KCNIP4: variants seen among roughly 807,000 people sequenced by gnomAD.
KCNIP4 encodes Kv channel-interacting protein 4.
KCNIP4 carries 12 observed loss-of-function variants against 34.0 expected under a neutral mutation model. The observed-to-expected ratio is 0.35, with a 90% confidence interval of 0.23 to 0.57. The LOEUF is 0.57. KCNIP4 is among the 20% of genes least tolerant of loss of function. The pLI, the probability that KCNIP4 is intolerant of heterozygous loss-of-function variation, is 0.83. For synonymous variants in KCNIP4, 124 were observed against 102.2 expected, an observed-to-expected ratio of 1.21 and a Z score of -1.29; for missense variants, 238 against 311.7, an observed-to-expected ratio of 0.76 and a Z score of 1.78.
At chr4:20,961,753 T>C (rs920343513) in intron 1 of KCNIP4, among the ~76,000 whole-genome samples, 4 of 152,092 alleles carry the variant, frequency 2.6e-5, no homozygotes, top group Non-Finnish European at 5.9e-5. Flanking sequence ...AAAACAGTGC[T>C]CCCTGGAATG....
At chr4:21,299,346 C>T (rs970942974) in intron 1 of KCNIP4, among the ~76,000 whole-genome samples, 14 of 152,064 alleles carry the variant, frequency 9.2e-5, no homozygotes, top group African/African-American at 3.4e-4. Flanking sequence ...TTTAGATCCT[C>T]TGAGTGTAAT....
At chr4:21,508,386 T>G (rs1295506833) in intron 1 of KCNIP4, among the ~76,000 whole-genome samples, 1 of 152,148 alleles carries the variant, frequency 6.6e-6, no homozygotes, top group African/African-American at 2.4e-5. Context: ...TCACCGGAAA[T>G]ATAATTATGC....
chr4:21,479,531 G>T (rs1221949980), intron 1 of KCNIP4, among the ~76,000 whole-genome samples: 1 of 152,088 alleles, frequency 6.6e-6, no homozygotes, highest in Non-Finnish European at 1.5e-5. Flanking sequence ...CAAGAAGAAA[G>T]ATAGTGCTTA....
chr4:20,881,131 A>G (rs950059670), intron 2 of KCNIP4, among the ~76,000 whole-genome samples: 11 of 152,208 alleles, frequency 7.2e-5, no homozygotes, highest in African/African-American at 2.7e-4. Flanking sequence ...GCAGTGACAT[A>G]CAATAAATAT....
Position 20,933,255 on chromosome 4 carries a change from A to T in KCNIP4, c.62-50546T>A, listed in dbSNP as rs541033792. ...TGAGACTCTGTCTCAAAAGAAAAAA[A>T]ATATAAAAAAATAAAAATACAGAGT... is the stretch of plus-strand genomic sequence containing the variant. On this transcript the variant is annotated intron_variant, in intron 1 of 8. Coordinates refer to ENST00000382152, the MANE Select transcript of KCNIP4 (RefSeq NM_025221.6). Among the ~76,000 whole-genome samples, 104 of 152,272 alleles carry T rather than the reference A, an allele frequency of 6.8e-4. 1 individual carries two copies. The highest frequency in any genetic ancestry group is 2.1e-3 in the African/African-American group (88 of 41,544).
intron 1 of KCNIP4, among the ~76,000 whole-genome samples, chr4:21,306,481 A>G (rs1354915846): frequency 6.6e-6 from 1 of 152,086 alleles, no homozygotes; most frequent in Non-Finnish European, 1.5e-5. Flanking sequence ...AGCTCAAGTG[A>G]TCTTCCTGTC....
At chr4:21,665,711 A>C (rs900881776) in intron 1 of KCNIP4, among the ~76,000 whole-genome samples, 2 of 152,202 alleles carry the variant, frequency 1.3e-5, no homozygotes, top group Admixed American at 1.3e-4. Flanking sequence ...GTCTGCAATG[A>C]ACAAGATAGC....
Position 21,234,219 on chromosome 4 carries a change from A to G in KCNIP4, c.62-351510T>C, listed in dbSNP as rs1367445817. Among the ~76,000 whole-genome samples, 2 of 102,940 alleles carry G rather than the reference A, an allele frequency of 1.9e-5. 1 individual carries two copies. The highest frequency in any genetic ancestry group is 5.2e-4 in the East Asian group (2 of 3,844). 67.5% of individuals were successfully genotyped at this position (102,940 alleles called of 152,430 possible). On this transcript the variant is annotated intron_variant, in intron 1 of 8. Transcript: ENST00000382152. ...ATATAACATATATAACGTATATTATATATAACATATATAACATATATATAA... is the reference window on the plus strand; with the variant it reads ...ATATAACATATATAACGTATATTATGTATAACATATATAACATATATATAA...
At chr4:20,836,116 A>G (rs1719012411) in intron 3 of KCNIP4, among the ~76,000 whole-genome samples, 2 of 152,110 alleles carry the variant, frequency 1.3e-5, no homozygotes, top group East Asian at 1.9e-4. Flanking sequence ...CTCCTACTTA[A>G]TCCTTTAATG....
At chr4:21,443,279 C>T (rs894525261) in intron 1 of KCNIP4, among the ~76,000 whole-genome samples, 1 of 152,160 alleles carries the variant, frequency 6.6e-6, no homozygotes, top group Non-Finnish European at 1.5e-5. Flanking sequence ...AAATATCTTG[C>T]ATGGCCTGAA....
intron 1 of KCNIP4, among the ~76,000 whole-genome samples, chr4:21,486,557 T>C (rs1015345950): frequency 6.6e-6 from 1 of 152,146 alleles, no homozygotes; most frequent in African/African-American, 2.4e-5. Context: ...ATTCTAACCC[T>C]CCATAATTTA....
chr4:21,326,210 T>G (rs1715019800), intron 1 of KCNIP4, among the ~76,000 whole-genome samples: 2 of 151,772 alleles, frequency 1.3e-5, no homozygotes, highest in South Asian at 4.2e-4. Flanking sequence ...GCTATTACAT[T>G]ATTGTATTGG....
intron 1 of KCNIP4, among the ~76,000 whole-genome samples, chr4:21,421,354 G>A (rs1725438086): frequency 6.6e-6 from 1 of 152,044 alleles, no homozygotes; most frequent in Non-Finnish European, 1.5e-5. Context: ...ACAATAGCCA[G>A]GATTTGAAAA....
At chr4:20,756,071 C>A (rs1754401944) in intron 4 of KCNIP4, among the ~76,000 whole-genome samples, 1 of 151,882 alleles carries the variant, frequency 6.6e-6, no homozygotes, top group African/African-American at 2.4e-5. Flanking sequence ...AAGAGTAGAC[C>A]ATGGTTAGGG....
chr4:21,527,520 A>T (rs1021538265), intron 1 of KCNIP4, among the ~76,000 whole-genome samples: 5 of 152,124 alleles, frequency 3.3e-5, no homozygotes, highest in African/African-American at 1.2e-4. Flanking sequence ...TTTTTTAATC[A>T]GTAAAATTGG....
intron 1 of KCNIP4, among the ~76,000 whole-genome samples, chr4:21,333,596 T>C (rs146967050): frequency 0.01 from 1,536 of 152,150 alleles, 29 homozygotes; most frequent in African/African-American, 0.034. Flanking sequence ...TTTGTATTTT[T>C]TCGTTCTATA....
intron 1 of KCNIP4, among the ~76,000 whole-genome samples, chr4:21,508,363 CAG>C (rs1382340980): frequency 1.3e-5 from 2 of 152,156 alleles, no homozygotes; most frequent in Non-Finnish European, 2.9e-5. Context: ...ACAAACAACT[CAG>C]GGTTCCAAGC....
chr4:21,478,369 A>AAAGTCAT (rs1489287398), intron 1 of KCNIP4, among the ~76,000 whole-genome samples: 2 of 152,132 alleles, frequency 1.3e-5, no homozygotes, highest in African/African-American at 4.8e-5. Context: ...AGTGCCTTCT[A>AAAGTCAT]AAGTCATAAT....
chr4:21,928,129 C>T (rs1913328), intron 1 of KCNIP4, among the ~76,000 whole-genome samples: 30,378 of 121,042 alleles, frequency 0.25, 3,880 homozygotes, highest in South Asian at 0.44. Context: ...TATATATATA[C>T]ACACACACAC....
Sources: allele counts gnomAD v4.1 joint callset (sites outside exome capture counted in the v4.1 genomes callset), GRCh38; gene constraint gnomAD v4.1.1; transcripts MANE v1.5; gene names NCBI Gene and HGNC (gene_info 2026-07-23, HGNC 2026-07-21).